GRAMD1A: variants seen among roughly 807,000 people sequenced by gnomAD.
GRAMD1A encodes the protein GRAM domain containing 1A, also known as protein Aster-A.
In GRAMD1A, 50 loss-of-function variants were observed where a neutral mutation model predicts 92.0. The ratio of observed to expected loss-of-function variants is 0.54; its 90% confidence interval spans 0.43 to 0.69. GRAMD1A has a LOEUF of 0.69. Ranked by LOEUF, GRAMD1A falls within the 30% of genes least tolerant of loss-of-function variation. The pLI is 0.00. For missense variants in GRAMD1A, 819 were observed against 978.9 expected (o/e 0.84, Z 2.18); for synonymous variants, 405 against 403.6 (o/e 1.00, Z -0.04).
intron 6 of GRAMD1A, chr19:35,010,651 C>T: frequency 1.7e-6 from 1 of 588,646 alleles, no homozygotes; most frequent in Admixed American, 3.2e-5. Context: ...GCCGCCCCTC[C>T]CTTCGTAAGT....
At chr19:35,003,294 T>C (rs2014549559) in intron 1 of GRAMD1A, among the ~76,000 whole-genome samples, 1 of 152,162 alleles carries the variant, frequency 6.6e-6, no homozygotes, top group South Asian at 2.1e-4. Flanking sequence ...CACCTGTGGA[T>C]GCATCCGCCC....
chr19:35,026,143 G>T lies in GRAMD1A; in HGVS notation c.*2G>T. On this transcript the variant is annotated 3_prime_UTR_variant, in exon 20 of 20. Coordinates refer to ENST00000317991, the MANE Select transcript of GRAMD1A (RefSeq NM_020895.5). ...CGGCCCGATGACAGCTTTTCCTGAG[G>T]ACCCCGGCCACGCAGCTGTTCCCCC... 3 of 1,502,182 alleles carry T rather than the reference G, an allele frequency of 2.0e-6. No individual in the cohort carries two copies. The highest frequency in any genetic ancestry group is 9.3e-7 in the Non-Finnish European group (1 of 1,078,180). 93.1% of individuals were successfully genotyped at this position (1,502,182 alleles called of 1,614,324 possible). A position where few individuals can be genotyped will look rare whatever the true frequency, so the allele number is the denominator to read the frequency against.
upstream of GRAMD1A, among the ~76,000 whole-genome samples, chr19:34,999,133 G>C (rs1483772756): frequency 6.6e-6 from 1 of 152,138 alleles, no homozygotes; most frequent in African/African-American, 2.4e-5. Context: ...TCAGGCAGGA[G>C]AGGATGGAGG....
intron 11 of GRAMD1A, among the ~76,000 whole-genome samples, chr19:35,017,111 G>C (rs1420154500): frequency 2.0e-5 from 3 of 151,858 alleles, no homozygotes; most frequent in Non-Finnish European, 4.4e-5. Context: ...GGAGGTGGAG[G>C]TTGCAGTGAG....
chr19:35,010,022 C>T, intron 4 of GRAMD1A, 50 bp downstream of exon 4: 2 of 1,531,608 alleles, frequency 1.3e-6, no homozygotes, highest in Non-Finnish European at 1.8e-6. Context: ...CTGTGACTCT[C>T]CGCCAGCCCG....
Position 35,023,366 on chromosome 19 carries a change from T to TG in GRAMD1A, c.1961+30dup, listed in dbSNP as rs757014350. 9.3e-6 allele frequency: 15 copies of TG among 1,613,530 alleles called. No homozygotes were observed. In the African/African-American group the frequency reaches 1.6e-4, roughly 17 times the overall value. On this transcript the variant is annotated intron_variant, in intron 18 of 19. Transcript: ENST00000317991. ...GGGGTGAGTGGGTAGCCTGGGGAAA[T>TG]GGGGGGGCTTGGGCACATCGGGGGA...
chr19:35,000,033 C>T (rs954697451), upstream of GRAMD1A: 16 of 984,702 alleles, frequency 1.6e-5, no homozygotes, highest in Non-Finnish European at 1.8e-5. This position sits in a 1 kb window ranked among gnomAD's most constrained non-coding sequence, Gnocchi z 4.9. Flanking sequence ...ATAGTAGTTG[C>T]TAGGGACCCT....
intron 19 of GRAMD1A, chr19:35,023,765 T>C (rs1418024393): frequency 2.9e-5 from 14 of 487,702 alleles, no homozygotes; most frequent in South Asian, 2.6e-4. Context: ...TGGAGAAAAG[T>C]CCAGAGGCGT....
chr19:34,998,958 C>T (rs1336967429), upstream of GRAMD1A, among the ~76,000 whole-genome samples: 1 of 152,008 alleles, frequency 6.6e-6, no homozygotes, highest in East Asian at 1.9e-4. Flanking sequence ...AGAGAGCTGA[C>T]AGGGGCCTTG....
Position 35,000,525 on chromosome 19 carries a change from C to T in GRAMD1A, c.8+39C>T. ...GACTAGAGCTCAGGGACCGGGCGCG[C>T]GGGGGAGGCCACCGGAGGGAGGGGG... On this transcript the variant is annotated intron_variant, in intron 1 of 19. Transcript: ENST00000317991. The surrounding 1 kb of genome is among the most constrained non-coding windows in gnomAD (Gnocchi z 4.9). The T allele has an allele frequency of 8.3e-7, 1 of 1,201,120 alleles. No homozygotes were observed. Among genetic ancestry groups the T allele is most frequent in the Non-Finnish European group, 1.0e-6 (1 of 961,572 alleles). 74.4% of individuals were successfully genotyped at this position (1,201,120 alleles called of 1,614,324 possible). A position where few individuals can be genotyped will look rare whatever the true frequency, so the allele number is the denominator to read the frequency against.
chr19:35,013,363 T>C lies in GRAMD1A; in HGVS notation c.714T>C (p.Gly238=), dbSNP rs763300905. 1.0e-5 allele frequency: 16 copies of C among 1,551,442 alleles called. No homozygotes were observed. The highest frequency in any genetic ancestry group is 2.7e-5 in the African/African-American group (2 of 73,128). The change falls in exon 8 of 20, where the codon GGT becomes GGC. Residue 238 remains glycine, a synonymous_variant. Transcript: ENST00000317991. The surrounding 1 kb of genome is among the most constrained non-coding windows in gnomAD (Gnocchi z 4.9). ...ATGTCTCCCCCTTGCAGCTGAACGG[T>C]CTGGGGTGAGTTGGAGGTCAAAGGA... is the stretch of plus-strand genomic sequence containing the variant. ...EDYVSPLQLN[G]LGTPKEVGDV...
chr19:35,009,646 C>T, intron 3 of GRAMD1A: 2 of 656,196 alleles, frequency 3.0e-6, no homozygotes, highest in Non-Finnish European at 5.4e-6. Context: ...CCTTGAGAAA[C>T]AGCCCCACCT....
intron 19 of GRAMD1A, among the ~76,000 whole-genome samples, chr19:35,024,351 A>G (rs928882125): frequency 3.3e-5 from 5 of 152,180 alleles, no homozygotes; most frequent in Non-Finnish European, 7.4e-5. Flanking sequence ...CAGATGCCCA[A>G]TAAATGTGAT....
At chr19:35,014,481 A>G (rs1017604558) in intron 10 of GRAMD1A, 94 bp downstream of exon 10, 7 of 1,092,934 alleles carry the variant, frequency 6.4e-6, no homozygotes, top group Non-Finnish European at 6.9e-6. Context: ...CAGCACTGAG[A>G]ATCCAGGGGC....
Position 35,000,402 on chromosome 19 carries a change from A to G in GRAMD1A, c.-77A>G, listed in dbSNP as rs1376381894. On this transcript the variant is annotated 5_prime_UTR_variant, in exon 1 of 20. Coordinates refer to ENST00000317991, the MANE Select transcript of GRAMD1A (RefSeq NM_020895.5). The surrounding 1 kb of genome is among the most constrained non-coding windows in gnomAD (Gnocchi z 4.9). ...GGTGCCCTGCGGGGACGCCCAGCGC[A>G]GCCCAGCCCCGCGCAGCCCAGCCCT... 1.4e-4 allele frequency: 156 copies of G among 1,153,196 alleles called. No individual in the cohort carries two copies. The highest frequency in any genetic ancestry group is 2.1e-4 in the South Asian group (5 of 23,280). 71.4% of individuals were successfully genotyped at this position (1,153,196 alleles called of 1,614,324 possible).
chr19:35,023,488 A>G lies in GRAMD1A; in HGVS notation c.2023A>G (p.Ser675Gly), dbSNP rs190169534. 6.9e-6 allele frequency: 11 copies of G among 1,583,902 alleles called. No homozygotes were observed. The highest frequency in any genetic ancestry group is 6.7e-5 in the East Asian group (3 of 44,476). ...CCTGGCGCTGCAGAAGCAATTCCACAGCGTGGAGGTGCACAAGTGGAGGCA... is the reference window on the plus strand; with the variant it reads ...CCTGGCGCTGCAGAAGCAATTCCACGGCGTGGAGGTGCACAAGTGGAGGCA... ...EILALQKQFH[S>G]VEVHKWRQIL... Residue 675 changes from serine to glycine, a missense_variant, in exon 19 of 20, where the codon AGC (serine) becomes GGC (glycine). Ser to Gly is a moderately conservative substitution (Grantham distance 56). Transcript: ENST00000317991.
intron 1 of GRAMD1A, among the ~76,000 whole-genome samples, chr19:35,004,478 G>A (rs1234539247): frequency 6.6e-6 from 1 of 152,150 alleles, no homozygotes; most frequent in Non-Finnish European, 1.5e-5. Flanking sequence ...CTCATACTGA[G>A]CAGCATTGCT....
chr19:35,009,800 A>G (rs2015085700), intron 3 of GRAMD1A, 88 bp from the exon 4 acceptor site: 1 of 826,068 alleles, frequency 1.2e-6, no homozygotes, highest in Admixed American at 1.7e-5. Flanking sequence ...TCAGGGACTT[A>G]AGAGACTGAG....
Position 35,009,203 on chromosome 19 carries a change from C to T in GRAMD1A, c.93C>T (p.Pro31=). 6.2e-7 allele frequency: 1 copy of T among 1,613,836 alleles called. No individual in the cohort carries two copies. Among genetic ancestry groups the T allele is most frequent in the Non-Finnish European group, 8.5e-7 (1 of 1,179,710 alleles). ...TGCAGCTCCTGCCCCCAAGCCGGCC[C>T]CCACCTGAGCCAGAACCAGGCACCA... ...KRLQLLPPSR[P]PPEPEPGTMV... The change falls in exon 2 of 20, where the codon CCC becomes CCT. Residue 31 remains proline (P), a synonymous_variant. Coordinates refer to ENST00000317991, the MANE Select transcript of GRAMD1A (RefSeq NM_020895.5).
Sources: gnomAD v4.1 joint callset for allele counts (sites outside exome capture counted in the v4.1 genomes callset) on GRCh38, gnomAD v4.1.1 for gene constraint, Gnocchi (gnomAD v3.1) non-coding constraint, MANE v1.5 for transcripts, NCBI Gene and HGNC (gene_info 2026-07-23, HGNC 2026-07-21) for gene names.